The following CDH12 variants were observed in gnomAD, a reference collection of about 807,000 sequenced individuals.
CDH12 encodes cadherin 12, also known as cadherin-12.
A neutral mutation model predicts 74.1 loss-of-function variants in CDH12; 41 were observed. The observed-to-expected ratio is 0.55, with a 90% CI of 0.43 to 0.72. The LOEUF (loss-of-function observed/expected upper bound fraction) is 0.72. Ranked by LOEUF, CDH12 falls within the 30% of genes least tolerant of loss-of-function variation. CDH12 has a pLI of 0.00. For missense variants in CDH12, 945 were observed against 977.2 expected (o/e 0.97, Z 0.44); for synonymous variants, 399 against 355.0 (o/e 1.12, Z -1.39).
chr5:22,222,769 T>C (rs1162502589), intron 3 of CDH12, among the ~76,000 whole-genome samples: 1 of 151,878 alleles, frequency 6.6e-6, no homozygotes, highest in Non-Finnish European at 1.5e-5. Context: ...TAAGTTGCTA[T>C]ACTCTACTTT....
At chr5:21,755,415 T>C (rs913022241) in intron 14 of CDH12, among the ~76,000 whole-genome samples, 176 bp downstream of exon 14, 2 of 152,016 alleles carry the variant, frequency 1.3e-5, no homozygotes, top group African/African-American at 4.8e-5. Flanking sequence ...AATAGAAAAA[T>C]AGCATTAATA....
At chr5:22,089,179 C>T (rs1051944959) in intron 4 of CDH12, among the ~76,000 whole-genome samples, 7 of 152,168 alleles carry the variant, frequency 4.6e-5, no homozygotes, top group African/African-American at 9.6e-5. Flanking sequence ...TAAAAGATTC[C>T]GCAAAATGAG....
At chr5:22,187,268 T>G (rs1343103534) in intron 4 of CDH12, among the ~76,000 whole-genome samples, 4 of 152,150 alleles carry the variant, frequency 2.6e-5, no homozygotes, top group Non-Finnish European at 5.9e-5. Context: ...CTTATCATCT[T>G]AAATCCCAGA....
At chr5:21,927,460 G>A (rs577243433) in intron 6 of CDH12, among the ~76,000 whole-genome samples, 2 of 151,556 alleles carry the variant, frequency 1.3e-5, no homozygotes, top group Admixed American at 6.6e-5. Flanking sequence ...TGATGATGGC[G>A]TGTGACTGTA....
chr5:22,675,003 C>T (rs920735762), intron 1 of CDH12, among the ~76,000 whole-genome samples: 26 of 152,196 alleles, frequency 1.7e-4, no homozygotes, highest in African/African-American at 5.1e-4. Flanking sequence ...AAAGAAAATC[C>T]CATTTTCTGA....
chr5:22,329,054 C>G (rs1739241729), intron 3 of CDH12, among the ~76,000 whole-genome samples: 1 of 152,058 alleles, frequency 6.6e-6, no homozygotes, highest in Non-Finnish European at 1.5e-5. Flanking sequence ...AAAGAAGGAT[C>G]TCAACACTGA....
chr5:22,074,105 T>C (rs1742136823), intron 5 of CDH12, among the ~76,000 whole-genome samples: 2 of 152,062 alleles, frequency 1.3e-5, no homozygotes, highest in African/African-American at 2.4e-5. Context: ...CCTCAGCCTA[T>C]GCAATGTGAA....
chr5:22,179,035 C>T (rs1749492605), intron 4 of CDH12, among the ~76,000 whole-genome samples: 1 of 152,180 alleles, frequency 6.6e-6, no homozygotes, highest in Admixed American at 6.5e-5. Context: ...ATCTGGAATA[C>T]AAGGGTGATA....
At chr5:22,023,885 C>G (rs1347766603) in intron 5 of CDH12, among the ~76,000 whole-genome samples, 1 of 152,224 alleles carries the variant, frequency 6.6e-6, no homozygotes, top group African/African-American at 2.4e-5. Flanking sequence ...CCTCTTAACA[C>G]AGTTATGTCA....
intron 5 of CDH12, among the ~76,000 whole-genome samples, chr5:22,025,848 G>C (rs1738312830): frequency 6.6e-6 from 1 of 152,028 alleles, no homozygotes; most frequent in South Asian, 2.1e-4. Context: ...CACTTTTCTA[G>C]CTCATTCTTA....
intron 4 of CDH12, among the ~76,000 whole-genome samples, chr5:22,171,000 A>G (rs2150328154): frequency 6.6e-6 from 1 of 152,034 alleles, no homozygotes; most frequent in East Asian, 1.9e-4. Context: ...AGGTGCTGTC[A>G]GAGGTCCACA....
chr5:21,975,153 TC>T lies in CDH12; in HGVS notation c.463del (p.Asp155IlefsTer95). 6.3e-7 allele frequency: 1 copy of T among 1,597,240 alleles called. No individual in the cohort carries two copies. Among genetic ancestry groups the T allele is most frequent in the Non-Finnish European group, 8.5e-7 (1 of 1,179,534 alleles). Reference protein sequence around the residue: ...EFIIKVQDINDNEPKFLDGPY... With the variant: ...EFIIKVQDINXNEPKFLDGPY... ...TCCATCCAAAAACTTTGGCTCATTA[TC>T]ATTAATATCCTGCACTTTGATGATG... On this transcript the variant is annotated frameshift_variant, in exon 6 of 15. Transcript: ENST00000382254. LOFTEE classifies it high-confidence loss of function.
intron 6 of CDH12, among the ~76,000 whole-genome samples, chr5:21,875,436 A>G (rs909963083): frequency 6.6e-6 from 1 of 152,210 alleles, no homozygotes; most frequent in East Asian, 1.9e-4. Context: ...CAACTTTGTA[A>G]TGAATGGGTA....
chr5:22,660,224 A>T (rs1246793625), intron 1 of CDH12, among the ~76,000 whole-genome samples: 2 of 152,202 alleles, frequency 1.3e-5, no homozygotes, highest in Non-Finnish European at 2.9e-5. Flanking sequence ...CTAGAAACCC[A>T]AAACACACTC....
At position 22,237,374 on chromosome 5, in the gene CDH12, AC is replaced by A. The variant is rs572754030; in HGVS notation, c.-332-24732del. On this transcript the variant is annotated intron_variant, in intron 3 of 14. Coordinates refer to ENST00000382254, the MANE Select transcript of CDH12 (RefSeq NM_004061.5). ...TGTGTTTTGGTCTGAGTGTTTGTGTACCCCCAAATTCATACGTTAAAATCCT... is the reference window on the plus strand; with the variant it reads ...TGTGTTTTGGTCTGAGTGTTTGTGTACCCCAAATTCATACGTTAAAATCCT... Among the ~76,000 whole-genome samples the A allele has an allele frequency of 2.9e-3, 434 of 152,142 alleles. 2 individuals carry two copies. Among genetic ancestry groups the A allele is most frequent in the Non-Finnish European group, 5.1e-3 (346 of 68,014 alleles).
At chr5:22,128,319 C>T (rs1191777777) in intron 4 of CDH12, among the ~76,000 whole-genome samples, 1 of 152,002 alleles carries the variant, frequency 6.6e-6, no homozygotes, top group Non-Finnish European at 1.5e-5. Context: ...AGATAATACA[C>T]TCTATTCTTA....
chr5:22,618,119 A>G (rs1450598492), intron 1 of CDH12, among the ~76,000 whole-genome samples: 1 of 152,098 alleles, frequency 6.6e-6, no homozygotes, highest in Non-Finnish European at 1.5e-5. Flanking sequence ...TCTTCATGAC[A>G]TAGACTCTTT....
chr5:22,432,615 G>A (rs1744220405), intron 2 of CDH12, among the ~76,000 whole-genome samples: 1 of 151,890 alleles, frequency 6.6e-6, no homozygotes, highest in African/African-American at 2.4e-5. Context: ...TGATTGACAA[G>A]AATTATCAAA....
At chr5:22,614,801 T>C (rs1737609445) in intron 1 of CDH12, among the ~76,000 whole-genome samples, 1 of 152,114 alleles carries the variant, frequency 6.6e-6, no homozygotes, top group Non-Finnish European at 1.5e-5. Flanking sequence ...CTGAACCCTA[T>C]ACATATGTAC....
Sources: allele counts gnomAD v4.1 joint callset (sites outside exome capture counted in the v4.1 genomes callset), GRCh38; gene constraint gnomAD v4.1.1; transcripts MANE v1.5; gene names NCBI Gene and HGNC (gene_info 2026-07-23, HGNC 2026-07-21).